Variants in SQOR observed in about 807,000 individuals in gnomAD.
The protein encoded by SQOR is sulfide quinone oxidoreductase.
Under a neutral mutation model 48.6 loss-of-function variants are expected in SQOR, and 39 were observed. The observed-to-expected ratio is 0.80, with a 90% CI of 0.62 to 1.05. The LOEUF (loss-of-function observed/expected upper bound fraction) is 1.05, where lower values mean the gene tolerates loss of function less well. Among genes scored for constraint, SQOR ranks in the 50% least tolerant of loss-of-function variants. The pLI, the probability that SQOR is intolerant of heterozygous loss-of-function variation, is 0.00. For synonymous variants in SQOR, 220 were observed against 206.2 expected (o/e 1.07, Z -0.57); for missense variants, 561 against 559.9 (o/e 1.00, Z -0.02).
At chr15:45,687,751 G>T (rs1162107845) in intron 7 of SQOR, among the ~76,000 whole-genome samples, 1 of 152,204 alleles carries the variant, frequency 6.6e-6, no homozygotes, top group Non-Finnish European at 1.5e-5. Context: ...CGTTCTGTCT[G>T]TCTGTCTGTC....
intron 1 of SQOR, among the ~76,000 whole-genome samples, chr15:45,636,504 A>G (rs11632130): frequency 0.09 from 13,690 of 151,664 alleles, 931 homozygotes; most frequent in Admixed American, 0.2. Flanking sequence ...GCTGGGTTCA[A>G]GTGATTCTCC....
chr15:45,660,962 A>G (rs1318737252), intron 2 of SQOR, among the ~76,000 whole-genome samples: 1 of 152,152 alleles, frequency 6.6e-6, no homozygotes, highest in East Asian at 1.9e-4. Context: ...CCCTATGTCC[A>G]GAACTTTTAC....
chr15:45,680,092 T>C (rs1286457805), intron 6 of SQOR, among the ~76,000 whole-genome samples: 2 of 152,198 alleles, frequency 1.3e-5, no homozygotes, highest in African/African-American at 4.8e-5. Context: ...TTTTTCTTTC[T>C]TTCTTTTTTT....
chr15:45,646,966 C>T (rs946424092), intron 1 of SQOR, among the ~76,000 whole-genome samples: 5 of 152,166 alleles, frequency 3.3e-5, no homozygotes, highest in African/African-American at 1.2e-4. Context: ...AACTTAATTT[C>T]TTTCTTTTCA....
At chr15:45,690,699 G>C (rs893146133) in intron 9 of SQOR, among the ~76,000 whole-genome samples, 1 of 152,210 alleles carries the variant, frequency 6.6e-6, no homozygotes, top group African/African-American at 2.4e-5. Flanking sequence ...AAAGCAGAAA[G>C]AGTAGCAGTT....
intron 1 of SQOR, among the ~76,000 whole-genome samples, chr15:45,637,528 A>G (rs1485785523): frequency 6.6e-6 from 1 of 152,220 alleles, no homozygotes; most frequent in Non-Finnish European, 1.5e-5. Context: ...AACAAAATTC[A>G]TTAAGGAGAC....
intron 1 of SQOR, among the ~76,000 whole-genome samples, chr15:45,636,168 G>A (rs1895001550): frequency 1.3e-5 from 2 of 151,996 alleles, no homozygotes; most frequent in South Asian, 4.1e-4. Context: ...AAAAGGAAGA[G>A]TATTATAAAG....
Position 45,691,144 on chromosome 15 carries a change from T to C in SQOR, c.*114T>C, listed in dbSNP as rs1016040509. The C allele has an allele frequency of 4.9e-5, 44 of 901,016 alleles. No homozygotes were observed. The highest frequency in any genetic ancestry group is 6.7e-5 in the Non-Finnish European group (36 of 540,924). The allele number at this position is 901,016 out of a possible 1,614,324, so 55.8% of individuals were successfully genotyped here. ...CCTATCCTTGTAAAGAGTTCCTTGATGGGTAATGGTGACCAAATGCCTCCC... is the reference window on the plus strand; with the variant it reads ...CCTATCCTTGTAAAGAGTTCCTTGACGGGTAATGGTGACCAAATGCCTCCC... On this transcript the variant is annotated 3_prime_UTR_variant, in exon 10 of 10. Transcript: ENST00000260324.
At chr15:45,644,036 G>C (rs4270120) in intron 1 of SQOR, among the ~76,000 whole-genome samples, 40,000 of 151,824 alleles carry the variant, frequency 0.26, 6,631 homozygotes, top group East Asian at 0.64. Context: ...AACATTCTTC[G>C]GTACTATGTA....
chr15:45,636,915 G>A (rs1396229233), intron 1 of SQOR, among the ~76,000 whole-genome samples: 1 of 151,890 alleles, frequency 6.6e-6, no homozygotes, highest in Non-Finnish European at 1.5e-5. Flanking sequence ...TAGTAGAAAG[G>A]GCACTGACCC....
intron 8 of SQOR, 113 bp downstream of exon 8, chr15:45,688,517 T>G: frequency 2.1e-6 from 1 of 483,326 alleles, no homozygotes; most frequent in African/African-American, 2.1e-5. Flanking sequence ...CTGTTTTTCT[T>G]TTTTTTTTTT....
At chr15:45,663,518 C>G (rs1179071442) in intron 3 of SQOR, among the ~76,000 whole-genome samples, 3 of 152,114 alleles carry the variant, frequency 2.0e-5, no homozygotes, top group Non-Finnish European at 4.4e-5. Context: ...GTAATCCCAA[C>G]ACCTTGGGAG....
intron 6 of SQOR, among the ~76,000 whole-genome samples, chr15:45,678,068 T>C (rs1890067999): frequency 6.6e-6 from 1 of 152,190 alleles, no homozygotes; most frequent in Non-Finnish European, 1.5e-5. Flanking sequence ...AGGTATCACA[T>C]TTGCAAGCAT....
chr15:45,681,131 G>T (rs1312003277), intron 6 of SQOR, among the ~76,000 whole-genome samples: 1 of 152,110 alleles, frequency 6.6e-6, no homozygotes, highest in Non-Finnish European at 1.5e-5. Flanking sequence ...TGAGCCCAGG[G>T]GTTCGAGGCT....
At chr15:45,683,932 A>G (rs1434346252) in intron 7 of SQOR, among the ~76,000 whole-genome samples, 2 of 150,348 alleles carry the variant, frequency 1.3e-5, no homozygotes, top group East Asian at 3.9e-4. Context: ...TGGTGGGGGG[A>G]CAGAATTTCA....
intron 3 of SQOR, among the ~76,000 whole-genome samples, chr15:45,668,766 T>C (rs1889884794): frequency 6.6e-6 from 1 of 152,198 alleles, no homozygotes; most frequent in Admixed American, 6.5e-5. Flanking sequence ...TGTTTCTTCT[T>C]TCTGGGCTCC....
Position 45,682,715 on chromosome 15 carries a change from A to G in SQOR, c.1048+54A>G, listed in dbSNP as rs142988831. 1.7e-4 allele frequency: 262 copies of G among 1,586,188 alleles called. No individual in the cohort carries two copies. The East Asian group carries it at 5.4e-3, about 33-fold the overall frequency. On this transcript the variant is annotated intron_variant, in intron 7 of 9. Coordinates refer to ENST00000260324, the MANE Select transcript of SQOR (RefSeq NM_021199.4). ...TCTCAAAAATATGTCACCTCAAGGC[A>G]TGATTGTAACAAAAACACAAGCTTG... is the stretch of plus-strand genomic sequence containing the variant.
At chr15:45,659,572 T>A (rs1889684325) in intron 2 of SQOR, among the ~76,000 whole-genome samples, 1 of 152,188 alleles carries the variant, frequency 6.6e-6, no homozygotes, top group Non-Finnish European at 1.5e-5. Context: ...CTCTCCCAGC[T>A]TCTGGTGGTT....
chr15:45,651,969 A>AC (rs566209168), intron 1 of SQOR, among the ~76,000 whole-genome samples: 1 of 150,140 alleles, frequency 6.7e-6, no homozygotes, highest in Non-Finnish European at 1.5e-5. Flanking sequence ...GCTCACTGCA[A>AC]CCCCCCGCCT....
Sources: allele counts gnomAD v4.1 joint callset (sites outside exome capture counted in the v4.1 genomes callset), GRCh38; gene constraint gnomAD v4.1.1; transcripts MANE v1.5; gene names NCBI Gene and HGNC (gene_info 2026-07-23, HGNC 2026-07-21).